ADAMTS16: variants seen among roughly 807,000 people sequenced by gnomAD.
ADAMTS16 encodes the protein A disintegrin and metalloproteinase with thrombospondin motifs 16.
In ADAMTS16, 94 loss-of-function variants were observed where a neutral mutation model predicts 145.8. The observed-to-expected ratio is 0.64, with a 90% CI of 0.55 to 0.77. ADAMTS16 has a LOEUF of 0.77. Among genes scored for constraint, ADAMTS16 ranks in the 30% least tolerant of loss-of-function variants. ADAMTS16 has a pLI of 0.00. For synonymous variants in ADAMTS16, 659 were observed against 604.3 expected (o/e 1.09, Z -1.33); for missense variants, 1,585 against 1,591.5 (o/e 1.00, Z 0.07).
At chr5:5,280,042 A>G (rs1250479436) in intron 18 of ADAMTS16, among the ~76,000 whole-genome samples, 4 of 121,426 alleles carry the variant, frequency 3.3e-5, no homozygotes, top group Non-Finnish European at 7.1e-5. Flanking sequence ...AAGTATTTTT[A>G]TCTGTAGAGT....
At chr5:5,206,134 G>A (rs944468179) in intron 9 of ADAMTS16, among the ~76,000 whole-genome samples, 6 of 152,068 alleles carry the variant, frequency 3.9e-5, no homozygotes, top group African/African-American at 1.4e-4. Flanking sequence ...TGGGGTATAA[G>A]ATCTGCCTTT....
rs1326194736 is a variant in ADAMTS16 at position 5,305,371 on chromosome 5, C to T, written c.3187-1133C>T. Among the ~76,000 whole-genome samples the T allele has an allele frequency of 3.5e-5, 4 of 113,318 alleles. No homozygotes were observed. In the East Asian group the frequency reaches 9.2e-4, roughly 26 times the overall value. The allele number at this position is 113,318 out of a possible 152,430, so 74.3% of individuals were successfully genotyped here. Reference sequence around the variant, plus strand: ...CATCCCACACCACACACACATCCCACACCACACACACACAATCCCACACCA... The same window carrying T: ...CATCCCACACCACACACACATCCCATACCACACACACACAATCCCACACCA... On this transcript the variant is annotated intron_variant, in intron 20 of 22. Coordinates refer to ENST00000274181, the MANE Select transcript of ADAMTS16 (RefSeq NM_139056.4).
rs10070912 is a variant in ADAMTS16, at chr5:5,179,249, C to G, written c.502-2795C>G. ...ATAAATTCTGCAGTGTCCGACTCACCCGGCCTTTCCCTTCTATCAGTCCGC... is the reference window on the plus strand; with the variant it reads ...ATAAATTCTGCAGTGTCCGACTCACGCGGCCTTTCCCTTCTATCAGTCCGC... On this transcript the variant is annotated intron_variant, in intron 3 of 22. Coordinates refer to ENST00000274181, the MANE Select transcript of ADAMTS16 (RefSeq NM_139056.4). 1.4e-3 allele frequency among the ~76,000 whole-genome samples: 219 copies of G among 151,106 alleles called. 2 individuals are homozygous for G. The highest frequency in any genetic ancestry group is 5.0e-3 in the African/African-American group (204 of 41,060).
chr5:5,239,291 T>A lies in ADAMTS16; in HGVS notation c.2278+17T>A, dbSNP rs569687701. 1 of 1,529,294 alleles carries A rather than the reference T, an allele frequency of 6.5e-7. No homozygotes were observed. The highest frequency in any genetic ancestry group is 8.8e-7 in the Non-Finnish European group (1 of 1,142,292). 94.7% of individuals were successfully genotyped at this position (1,529,294 alleles called of 1,614,324 possible). ...ACACCAACCGTGAGTACTTTAGAGC[T>A]GCCTGCAAGCCTTGGGCAAAGAAGA... On this transcript the variant is annotated intron_variant, in intron 15 of 22. Transcript: ENST00000274181.
intron 18 of ADAMTS16, among the ~76,000 whole-genome samples, chr5:5,273,722 A>G (rs1323072428): frequency 6.6e-6 from 1 of 152,230 alleles, no homozygotes; most frequent in Non-Finnish European, 1.5e-5. Flanking sequence ...TGAGCTTGAA[A>G]TGTATTTAAG....
chr5:5,175,749 G>A lies in ADAMTS16; in HGVS notation c.502-6295G>A, dbSNP rs543457520. Among the ~76,000 whole-genome samples the A allele has an allele frequency of 5.3e-5, 8 of 152,278 alleles. No homozygotes were observed. The East Asian group carries it at 5.8e-4, about 11-fold the overall frequency. ...TCTAAATGTTCCGTCTGTGGGTGTC[G>A]GCTGAGTTCTGCCCTGTGTTGCTTT... On this transcript the variant is annotated intron_variant, in intron 3 of 22. Coordinates refer to ENST00000274181, the MANE Select transcript of ADAMTS16 (RefSeq NM_139056.4).
intron 3 of ADAMTS16, among the ~76,000 whole-genome samples, chr5:5,181,736 G>A (rs1256143355): frequency 1.3e-5 from 2 of 152,178 alleles, no homozygotes; most frequent in Non-Finnish European, 2.9e-5. Context: ...TACTTTTGGT[G>A]TAAATTAACT....
chr5:5,203,120 A>T (rs556196885), intron 9 of ADAMTS16, among the ~76,000 whole-genome samples: 1 of 152,288 alleles, frequency 6.6e-6, no homozygotes, highest in African/African-American at 2.4e-5. Context: ...GGACTTTACC[A>T]ATTTCTTTTG....
chr5:5,187,003 C>A (rs1735520601), intron 5 of ADAMTS16, among the ~76,000 whole-genome samples: 1 of 152,176 alleles, frequency 6.6e-6, no homozygotes, highest in African/African-American at 2.4e-5. Context: ...GTAGACTGAA[C>A]CACTAGATTT....
chr5:5,171,537 T>C (rs1735042366), intron 3 of ADAMTS16, among the ~76,000 whole-genome samples: 1 of 152,204 alleles, frequency 6.6e-6, no homozygotes, highest in South Asian at 2.1e-4. Flanking sequence ...GATTATATGG[T>C]TTTTGTCCTT....
chr5:5,209,765 C>T (rs1468242510), intron 10 of ADAMTS16, among the ~76,000 whole-genome samples: 2 of 152,034 alleles, frequency 1.3e-5, no homozygotes, highest in African/African-American at 4.8e-5. Context: ...ACAGAAATTG[C>T]TCATGTAACA....
Position 5,319,147 on chromosome 5 carries a change from C to G in ADAMTS16, c.*9C>G, listed in dbSNP as rs368084556. On this transcript the variant is annotated 3_prime_UTR_variant, in exon 23 of 23. Transcript: ENST00000274181. Reference sequence around the variant, plus strand: ...CTAAGTCCAACTTGTGAGTTGGGACCGCTCTCCGTAGCAGAGAAAGTGCCT... The same window carrying G: ...CTAAGTCCAACTTGTGAGTTGGGACGGCTCTCCGTAGCAGAGAAAGTGCCT... The G allele has an allele frequency of 3.1e-6, 5 of 1,591,928 alleles. No individual in the cohort carries two copies. The African/African-American group carries it at 5.4e-5, about 17-fold the overall frequency.
intron 17 of ADAMTS16, among the ~76,000 whole-genome samples, chr5:5,242,789 G>A (rs991919048): frequency 6.6e-6 from 1 of 152,218 alleles, no homozygotes; most frequent in African/African-American, 2.4e-5. Context: ...TATCGGTAAA[G>A]CTACTTCCAC....
chr5:5,164,599 A>G (rs527335054), intron 3 of ADAMTS16, among the ~76,000 whole-genome samples: 131 of 152,318 alleles, frequency 8.6e-4, no homozygotes, highest in Non-Finnish European at 1.5e-3. Flanking sequence ...AAGTGTCTGG[A>G]GTAGGAGCCC....
rs552092110 is a variant in ADAMTS16, at chr5:5,285,027, C to A, written c.2790-18241C>A. On this transcript the variant is annotated intron_variant, in intron 18 of 22. Coordinates refer to ENST00000274181, the MANE Select transcript of ADAMTS16 (RefSeq NM_139056.4). ...TGTTTTGGTTCTTTTGAGATGTTCA[C>A]AGTTTGTCAGCCTTTACTTGATTTG... Among the ~76,000 whole-genome samples the A allele has an allele frequency of 2.2e-4, 34 of 152,318 alleles. No individual in the cohort carries two copies. In the South Asian group the frequency reaches 7.0e-3, roughly 32 times the overall value.
intron 17 of ADAMTS16, among the ~76,000 whole-genome samples, chr5:5,254,560 A>T (rs2126415172): frequency 6.6e-6 from 1 of 152,296 alleles, no homozygotes; most frequent in East Asian, 1.9e-4. Flanking sequence ...TATTGATGTG[A>T]GTAAATATCC....
chr5:5,151,678 TTGTGTGTGTGTGTGTGTGTGTG>T (rs60381485), intron 3 of ADAMTS16, among the ~76,000 whole-genome samples: 25 of 139,584 alleles, frequency 1.8e-4, no homozygotes, highest in Non-Finnish European at 3.0e-4. Context: ...ATAGTTCCCT[TTGTGTGTGTGTGTGTGTGTGTG>T]TGTGTGTGTG....
intron 3 of ADAMTS16, among the ~76,000 whole-genome samples, chr5:5,168,670 AT>A (rs1734960122): frequency 4.6e-5 from 2 of 43,384 alleles, no homozygotes; most frequent in Admixed American, 4.7e-4. Context: ...TATTTATATA[AT>A]AATTATAATT....
At chr5:5,249,434 T>A (rs2964419) in intron 17 of ADAMTS16, among the ~76,000 whole-genome samples, 141,835 of 152,028 alleles carry the variant, frequency 0.93, 66,783 homozygotes, top group Non-Finnish European at 1. Flanking sequence ...CTTGACTCCC[T>A]GCATGAGACC....
Sources: gnomAD v4.1 joint callset for allele counts (sites outside exome capture counted in the v4.1 genomes callset) on GRCh38, gnomAD v4.1.1 for gene constraint, MANE v1.5 for transcripts, NCBI Gene and HGNC (gene_info 2026-07-23, HGNC 2026-07-21) for gene names.